NEMP2: variants seen among roughly 807,000 people sequenced by gnomAD.
NEMP2 encodes UPF0571 transmembrane protein.
A neutral mutation model predicts 54.2 loss-of-function variants in NEMP2; 53 were observed. The observed-to-expected ratio is 0.98, with a 90% CI of 0.78 to 1.23. NEMP2 has a LOEUF of 1.23. Among genes scored for constraint, NEMP2 ranks in the 50% most tolerant of loss-of-function variants. NEMP2 has a pLI of 0.00. For synonymous variants in NEMP2, 197 were observed against 190.3 expected (o/e 1.04, Z -0.29); for missense variants, 455 against 511.3 (o/e 0.89, Z 1.06).
At chr2:190,425,990 G>A in the NEMP2 span, among the ~76,000 whole-genome samples, 2 of 151,872 alleles carry the variant, frequency 1.3e-5, no homozygotes, top group African/African-American at 4.8e-5. The surrounding 1 kb of genome is among the most constrained non-coding windows in gnomAD (Gnocchi z 4.3). Context: ...TTTTTTCCTT[G>A]CCTTTAGTTT....
At chr2:190,629,350 G>T in the NEMP2 span, among the ~76,000 whole-genome samples, 3 of 152,098 alleles carry the variant, frequency 2.0e-5, no homozygotes, top group African/African-American at 7.2e-5. Flanking sequence ...AAATAAACTT[G>T]TACTAACTTG....
At chr2:190,482,868 CTTTTTTTTTTTTTTTTTTTTTTTTTTTTT>C in the NEMP2 span, among the ~76,000 whole-genome samples, 1 of 48,292 alleles carries the variant, frequency 2.1e-5, no homozygotes, top group Non-Finnish European at 3.8e-5. Context: ...AGACTATCAT[CTTTTTTTTTTTTTTTTTTTTTTTTTTTTT>C]TTTTTTAGAC....
At position 190,531,377 on chromosome 2, in the gene NEMP2, A is replaced by T. The variant is rs1323203595; in HGVS notation, c.97+3182T>A. 6.6e-6 allele frequency among the ~76,000 whole-genome samples: 1 copy of T among 152,216 alleles called. No individual in the cohort carries two copies. Among genetic ancestry groups the T allele is most frequent in the African/African-American group, 2.4e-5 (1 of 41,450 alleles). ...ATCTGTGGGATCAACCCTGAATGCC[A>T]TCCTTACTATGGAAAGACAGGTTTC... On this transcript the variant is annotated intron_variant, in intron 1 of 8. Coordinates refer to ENST00000409150, the MANE Select transcript of NEMP2 (RefSeq NM_001142645.2). This position sits in a 1 kb window ranked among gnomAD's most constrained non-coding sequence, Gnocchi z 4.7.
the NEMP2 span, among the ~76,000 whole-genome samples, chr2:190,484,920 T>A: frequency 1.3e-5 from 2 of 152,182 alleles, no homozygotes. Flanking sequence ...TCAGAAATTT[T>A]GTTTTTGTGC....
Position 190,529,910 on chromosome 2 carries a change from C to T in NEMP2, c.98-4532G>A, listed in dbSNP as rs1225141507. ...GGGCCAGTCTGGAAGCCACAGGCTG[C>T]ACTTCCCCCTTGCCCTACCCCATGG... On this transcript the variant is annotated intron_variant, in intron 1 of 8. Transcript: ENST00000409150. This position sits in a 1 kb window ranked among gnomAD's most constrained non-coding sequence, Gnocchi z 4.7. 1.3e-5 allele frequency among the ~76,000 whole-genome samples: 2 copies of T among 152,206 alleles called. No homozygotes were observed. Among genetic ancestry groups the T allele is most frequent in the Non-Finnish European group, 2.9e-5 (2 of 68,038 alleles).
the NEMP2 span, among the ~76,000 whole-genome samples, chr2:190,643,734 CT>C: frequency 2.7e-3 from 411 of 152,278 alleles, 2 homozygotes; most frequent in Non-Finnish European, 4.7e-3. Context: ...CGAGACCAGT[CT>C]GGCCAACATG....
chr2:190,444,825 CATAAAG>C, the NEMP2 span: 1 of 722,926 alleles, frequency 1.4e-6, no homozygotes, highest in Non-Finnish European at 1.7e-6. Context: ...ACAAGTGTTT[CATAAAG>C]ATAATGTTTT....
At chr2:190,586,900 G>A in the NEMP2 span, among the ~76,000 whole-genome samples, 920 of 152,208 alleles carry the variant, frequency 6.0e-3, 14 homozygotes, top group African/African-American at 0.021. The surrounding 1 kb of genome is among the most constrained non-coding windows in gnomAD (Gnocchi z 4.5). Flanking sequence ...GACTTCTATT[G>A]TCCCTCCTGA....
the NEMP2 span, among the ~76,000 whole-genome samples, chr2:190,491,994 C>T: frequency 0.014 from 2,069 of 152,262 alleles, 53 homozygotes; most frequent in African/African-American, 0.047. The surrounding 1 kb of genome is among the most constrained non-coding windows in gnomAD (Gnocchi z 4.2). Context: ...ATAAAGGACA[C>T]ACTTACAGAA....
chr2:190,436,647 C>G, the NEMP2 span: 1 of 1,614,166 alleles, frequency 6.2e-7, no homozygotes, highest in Non-Finnish European at 8.5e-7. This position sits in a 1 kb window ranked among gnomAD's most constrained non-coding sequence, Gnocchi z 5.3. Flanking sequence ...AAACAAGGCT[C>G]AATGTCTCAG....
chr2:190,435,066 C>T, the NEMP2 span, among the ~76,000 whole-genome samples: 1 of 152,170 alleles, frequency 6.6e-6, no homozygotes, highest in African/African-American at 2.4e-5. Context: ...CCAAAACCAA[C>T]CCCCCTCTCC....
chr2:190,434,182 C>CAA, the NEMP2 span, among the ~76,000 whole-genome samples: 565 of 129,694 alleles, frequency 4.4e-3, 4 homozygotes, highest in African/African-American at 6.9e-3. This position sits in a 1 kb window ranked among gnomAD's most constrained non-coding sequence, Gnocchi z 4.3. Context: ...CCCTGTCTCT[C>CAA]AAAAAAAAAA....
Position 190,514,364 on chromosome 2 carries a change from G to C in NEMP2, c.953+89C>G. ...ATCTCCAGATCAAATGTAATTATGA[G>C]ATTAACATGATGTGTGCAAACACTC... On this transcript the variant is annotated intron_variant, in intron 7 of 8. Transcript: ENST00000409150. The surrounding 1 kb of genome is among the most constrained non-coding windows in gnomAD (Gnocchi z 5.7). 1 of 1,198,152 alleles carries C rather than the reference G, an allele frequency of 8.3e-7. No individual in the cohort carries two copies. Among genetic ancestry groups the C allele is most frequent in the South Asian group, 1.4e-5 (1 of 73,496 alleles). 74.2% of individuals were successfully genotyped at this position (1,198,152 alleles called of 1,614,324 possible).
At chr2:190,545,993 T>A in the NEMP2 span, among the ~76,000 whole-genome samples, 3 of 152,326 alleles carry the variant, frequency 2.0e-5, no homozygotes. Flanking sequence ...GAAAGAAATT[T>A]ATAATCTAGA....
Position 190,504,847 on chromosome 2 carries a change from G to A in NEMP2, c.*4342C>T, listed in dbSNP as rs1029279566. 4.6e-5 allele frequency: 7 copies of A among 152,268 alleles called. No homozygotes were observed. Among genetic ancestry groups the A allele is most frequent in the Admixed American group, 6.5e-5 (1 of 15,294 alleles). The allele number at this position is 152,268 out of a possible 1,614,324, so 9.4% of individuals were successfully genotyped here. A position where few individuals can be genotyped will look rare whatever the true frequency, so the allele number is the denominator to read the frequency against. ...ACTCAAAGTGTGCTCAATGACTGGTGCTGTCAAACTACTGCTGGTATGTGA... is the reference window on the plus strand; with the variant it reads ...ACTCAAAGTGTGCTCAATGACTGGTACTGTCAAACTACTGCTGGTATGTGA... On this transcript the variant is annotated 3_prime_UTR_variant, in exon 9 of 9. Transcript: ENST00000409150. The surrounding 1 kb of genome is among the most constrained non-coding windows in gnomAD (Gnocchi z 5.6).
At chr2:190,544,617 G>GA in the NEMP2 span, among the ~76,000 whole-genome samples, 10 of 152,002 alleles carry the variant, frequency 6.6e-5, no homozygotes, top group South Asian at 1.9e-3. Context: ...TTAGTGGTGA[G>GA]AAAAAATACT....
At chr2:190,499,900 A>T, downstream of NEMP2, 1 of 1,571,098 alleles carries the variant, frequency 6.4e-7, no homozygotes, top group Non-Finnish European at 8.7e-7. The surrounding 1 kb of genome is among the most constrained non-coding windows in gnomAD (Gnocchi z 6.0). Flanking sequence ...GGTCCCTGAA[A>T]TGGGCACTTC....
the NEMP2 span, among the ~76,000 whole-genome samples, chr2:190,568,453 C>A: frequency 6.6e-6 from 1 of 152,078 alleles, no homozygotes; most frequent in Non-Finnish European, 1.5e-5. The surrounding 1 kb of genome is among the most constrained non-coding windows in gnomAD (Gnocchi z 4.7). Flanking sequence ...GGAATTTGTA[C>A]CAAAAGTGTC....
the NEMP2 span, chr2:190,454,162 A>G: frequency 1.3e-5 from 2 of 152,214 alleles, no homozygotes; most frequent in Non-Finnish European, 2.9e-5. This position sits in a 1 kb window ranked among gnomAD's most constrained non-coding sequence, Gnocchi z 4.6. Context: ...CCATTTTACA[A>G]TGGCTTAATG....
Sources: allele counts gnomAD v4.1 joint callset (sites outside exome capture counted in the v4.1 genomes callset), GRCh38; gene constraint gnomAD v4.1.1; non-coding constraint Gnocchi (gnomAD v3.1); transcripts MANE v1.5; gene names NCBI Gene and HGNC (gene_info 2026-07-23, HGNC 2026-07-21).